The following CREBBP variants were observed in gnomAD, a reference collection of about 807,000 sequenced individuals.
CREBBP encodes the protein CREB-binding protein.
A neutral mutation model predicts 265.0 loss-of-function variants in CREBBP; 19 were observed. The observed-to-expected ratio is 0.07, with a 90% CI of 0.05 to 0.11. The LOEUF is 0.11. Ranked by LOEUF, CREBBP falls within the 10% of genes least tolerant of loss-of-function variation. The pLI, the probability that CREBBP is intolerant of heterozygous loss-of-function variation, is 1.00. For missense variants in CREBBP, 2,525 were observed against 3,219.0 expected (o/e 0.78, Z 5.22); for synonymous variants, 1,457 against 1,223.7 (o/e 1.19, Z -3.98).
At chr16:3,811,729 G>A (rs1021205895) in intron 2 of CREBBP, among the ~76,000 whole-genome samples, 3 of 152,112 alleles carry the variant, frequency 2.0e-5, no homozygotes, top group Admixed American at 6.5e-5. Flanking sequence ...CCTGACCTCA[G>A]GTGATCCATC....
intron 23 of CREBBP, chr16:3,741,211 G>A (rs575504608): frequency 5.6e-4 from 93 of 165,364 alleles, no homozygotes; most frequent in Non-Finnish European, 9.4e-4. Context: ...GAGCTAGCCA[G>A]AGGCAGGACA....
rs2141615738 is a variant in CREBBP at position 3,879,818 on chromosome 16, G to C, written c.85+14C>G. On this transcript the variant is annotated intron_variant, in intron 1 of 30. Coordinates refer to ENST00000262367, the MANE Select transcript of CREBBP (RefSeq NM_004380.3). ...CGCGCCCCGGGCCCCCGCCGCCCCGGACCCCCTCCTCACCTGTGCTGTCAT... is the reference window on the plus strand; with the variant it reads ...CGCGCCCCGGGCCCCCGCCGCCCCGCACCCCCTCCTCACCTGTGCTGTCAT... 1 of 1,588,514 alleles carries C rather than the reference G, an allele frequency of 6.3e-7. No homozygotes were observed. The highest frequency in any genetic ancestry group is 8.6e-7 in the Non-Finnish European group (1 of 1,166,832).
chr16:3,773,208 A>G (rs2053057416), intron 13 of CREBBP, among the ~76,000 whole-genome samples: 1 of 152,194 alleles, frequency 6.6e-6, no homozygotes, highest in Admixed American at 6.5e-5. Context: ...TACAACTAAC[A>G]AAAGAGGAAA....
chr16:3,736,266 G>C (rs752360044), intron 27 of CREBBP, 63 bp from the exon 28 acceptor site: 87 of 1,533,850 alleles, frequency 5.7e-5, no homozygotes, highest in Non-Finnish European at 7.8e-5. Context: ...ACCATGGTGC[G>C]ACAGACCCCC....
At chr16:3,833,370 C>T (rs1007668682) in intron 2 of CREBBP, among the ~76,000 whole-genome samples, 1 of 152,194 alleles carries the variant, frequency 6.6e-6, no homozygotes, top group Admixed American at 6.5e-5. Context: ...CGAGATAGCA[C>T]CACTGCACTT....
rs764972626 is a variant in CREBBP, at chr16:3,770,805, G to A, written c.2645C>T (p.Pro882Leu). ...TTPPGMTPPQ[P>L]AAPTQPSTPV... ...AGTTGATGGCTGAGTGGGAGCTGCT[G>A]GCTGGGGAGGAGTCATCCCAGGTGG... The change falls in exon 14 of 31, where the codon CCA (proline) becomes CTA (leucine). Residue 882 changes from proline to leucine, a missense_variant. This residue lies in a region of CREBBP where 548 missense variants were observed against 533.0 expected (regional missense o/e 1.03). Transcript: ENST00000262367. 5 of 1,614,098 alleles carry A rather than the reference G, an allele frequency of 3.1e-6. No homozygotes were observed. The highest frequency in any genetic ancestry group is 3.4e-6 in the Non-Finnish European group (4 of 1,180,016).
rs754153611 is a variant in CREBBP, at chr16:3,757,959, G to A, written c.3459C>T (p.Tyr1153=). 16 of 1,613,648 alleles carry A rather than the reference G, an allele frequency of 9.9e-6. No homozygotes were observed. Among genetic ancestry groups the A allele is most frequent in the African/African-American group, 5.3e-5 (4 of 74,796 alleles). ...DTGQYQEPWQ[Y]VDDVWLMFNN... is the part of the protein sequence containing the mutation. Reference sequence around the variant, plus strand: ...TGAACATGAGCCAGACGTCGTCCACGTACTGCCAGGGCTCTTGGTATTGCC... The same window carrying A: ...TGAACATGAGCCAGACGTCGTCCACATACTGCCAGGGCTCTTGGTATTGCC... Residue 1153 remains tyrosine, a synonymous_variant, in exon 18 of 31, where the codon TAC becomes TAT. Coordinates refer to ENST00000262367, the MANE Select transcript of CREBBP (RefSeq NM_004380.3).
intron 21 of CREBBP, among the ~76,000 whole-genome samples, chr16:3,747,302 C>T (rs571635926): frequency 6.6e-5 from 10 of 152,328 alleles, no homozygotes; most frequent in Admixed American, 5.9e-4. Flanking sequence ...AAAGTCTAAA[C>T]GTCAAGAGAC....
chr16:3,772,798 G>A (rs558320017), intron 13 of CREBBP, among the ~76,000 whole-genome samples: 43 of 151,546 alleles, frequency 2.8e-4, no homozygotes, highest in South Asian at 6.2e-4. Context: ...GGCTGGGTAC[G>A]GTAGCTTACT....
chr16:3,767,738 A>G lies in CREBBP; in HGVS notation c.3232T>C (p.Ser1078Pro), dbSNP rs749028913. Residue 1078 changes from serine (S) to proline (P), a missense_variant, in exon 16 of 31, where the codon TCG (serine) becomes CCG (proline). Ser to Pro is a moderately conservative substitution (Grantham distance 74, BLOSUM62 -1). Around this residue, in one of 19 missense-constraint regions of CREBBP, gnomAD observed 548 missense variants for 533.0 expected, o/e 1.03. Coordinates refer to ENST00000262367, the MANE Select transcript of CREBBP (RefSeq NM_004380.3). ...GGCCTACTTTTTTTGCGCGGCTGCGAAGGAGATGTTGACTGAGAGGCTGTG... is the reference window on the plus strand; with the variant it reads ...GGCCTACTTTTTTTGCGCGGCTGCGGAGGAGATGTTGACTGAGAGGCTGTG... ...NGTASQSTSPSQPRKKIFKPE... is the reference protein window; with the variant it reads ...NGTASQSTSPPQPRKKIFKPE... 1.5e-5 allele frequency: 25 copies of G among 1,614,128 alleles called. No homozygotes were observed. In the South Asian group the frequency reaches 1.6e-4, roughly 11 times the overall value.
chr16:3,750,672 G>C (rs531547171), intron 20 of CREBBP, among the ~76,000 whole-genome samples: 1 of 152,210 alleles, frequency 6.6e-6, no homozygotes, highest in African/African-American at 2.4e-5. Flanking sequence ...CTGTGCAGGA[G>C]TGAACTAACA....
intron 2 of CREBBP, among the ~76,000 whole-genome samples, chr16:3,831,602 G>A (rs1327953182): frequency 6.6e-6 from 1 of 152,174 alleles, no homozygotes; most frequent in Non-Finnish European, 1.5e-5. Flanking sequence ...AAAGCTGGCT[G>A]TTTGAAAATA....
rs757538974 is a variant in CREBBP at position 3,728,840 on chromosome 16, G to A, written c.6207C>T (p.Asp2069=). Residue 2069 remains aspartate (D), a synonymous_variant, in exon 31 of 31, where the codon GAC becomes GAT. Coordinates refer to ENST00000262367, the MANE Select transcript of CREBBP (RefSeq NM_004380.3). The surrounding 1 kb of genome is among the most constrained non-coding windows in gnomAD (Gnocchi z 8.7). ...TGGGCGACTTCAGGGTCCGCAGCAGGTCTTGCAGAGCGCTGGGTGAGATGC... is the reference window on the plus strand; with the variant it reads ...TGGGCGACTTCAGGGTCCGCAGCAGATCTTGCAGAGCGCTGGGTGAGATGC... ...PRSISPSALQ[D]LLRTLKSPSS... is the part of the protein sequence containing the mutation. 5.6e-6 allele frequency: 9 copies of A among 1,613,310 alleles called. No homozygotes were observed. The highest frequency in any genetic ancestry group is 7.6e-6 in the Non-Finnish European group (9 of 1,179,970).
chr16:3,745,172 G>T, intron 22 of CREBBP, 105 bp downstream of exon 22: 2 of 1,114,534 alleles, frequency 1.8e-6, no homozygotes, highest in Non-Finnish European at 2.7e-6. Context: ...TCTCTTAATC[G>T]CTGAATTCTT....
At chr16:3,732,852 A>C (rs11076784) in intron 28 of CREBBP, among the ~76,000 whole-genome samples, 22,792 of 151,928 alleles carry the variant, frequency 0.15, 4,430 homozygotes, top group African/African-American at 0.44. Context: ...AGGTGCTGCC[A>C]CCACACCCAG....
At chr16:3,740,060 A>C (rs1487794605) in intron 24 of CREBBP, among the ~76,000 whole-genome samples, 1 of 152,242 alleles carries the variant, frequency 6.6e-6, no homozygotes, top group Non-Finnish European at 1.5e-5. Flanking sequence ...ATCAACCTCT[A>C]TGCGTTTTTT....
At chr16:3,830,677 CCTCT>C (rs1167136439) in intron 2 of CREBBP, among the ~76,000 whole-genome samples, 1 of 152,112 alleles carries the variant, frequency 6.6e-6, no homozygotes, top group African/African-American at 2.4e-5. Context: ...TTTTAATAAT[CCTCT>C]CTTAGTAACC....
chr16:3,768,580 C>A (rs2052921853), intron 15 of CREBBP, among the ~76,000 whole-genome samples: 1 of 152,156 alleles, frequency 6.6e-6, no homozygotes, highest in African/African-American at 2.4e-5. Context: ...TTCTCAGAGG[C>A]AGGTGTGGTA....
intron 16 of CREBBP, among the ~76,000 whole-genome samples, chr16:3,761,774 C>T (rs375193656): frequency 1.1e-4 from 16 of 152,268 alleles, no homozygotes; most frequent in South Asian, 1.0e-3. Flanking sequence ...CGGAAACACA[C>T]AGCCTTGCTT....
Sources: allele counts gnomAD v4.1 joint callset (sites outside exome capture counted in the v4.1 genomes callset), GRCh38; gene constraint gnomAD v4.1.1; regional missense constraint gnomAD v4.1.1; non-coding constraint Gnocchi (gnomAD v3.1); transcripts MANE v1.5; gene names NCBI Gene and HGNC (gene_info 2026-07-23, HGNC 2026-07-21).